MEGF8: variants seen among roughly 807,000 people sequenced by gnomAD.
MEGF8 encodes multiple EGF like domains 8.
Under a neutral mutation model 302.9 loss-of-function variants are expected in MEGF8, and 156 were observed. That is an observed-to-expected ratio of 0.52 (90% CI 0.45 to 0.59). The LOEUF (loss-of-function observed/expected upper bound fraction) is 0.59, where lower values mean the gene tolerates loss of function less well. Among genes scored for constraint, MEGF8 ranks in the 20% least tolerant of loss-of-function variants. The pLI, the probability that MEGF8 is intolerant of heterozygous loss-of-function variation, is 0.00. For synonymous variants in MEGF8, 1,621 were observed against 1,660.5 expected, an observed-to-expected ratio of 0.98 and a Z score of 0.58; for missense variants, 3,345 against 3,964.5, an observed-to-expected ratio of 0.84 and a Z score of 4.20.
Position 42,376,404 on chromosome 19 carries a change from CCCGCCTT to C in MEGF8, c.8173_8179del (p.Phe2725AlafsTer11), listed in dbSNP as rs1405804778. On this transcript the variant is annotated frameshift_variant, in exon 42 of 42. Transcript: ENST00000251268. LOFTEE classifies it high-confidence loss of function. The surrounding 1 kb of genome is among the most constrained non-coding windows in gnomAD (Gnocchi z 8.2). The stretch of plus-strand genomic sequence containing the variant: ...CTGGAAGCCGGCTGGGCTCCCACCT[CCCGCCTT>C]CCGCCGCTCTGAGCCCTTCCTGGCA... 1.2e-6 allele frequency: 2 copies of C among 1,612,682 alleles called. No individual in the cohort carries two copies. Among genetic ancestry groups the C allele is most frequent in the African/African-American group, 1.3e-5 (1 of 74,932 alleles).
At chr19:42,340,667 A>C (rs1439873577) in intron 8 of MEGF8, among the ~76,000 whole-genome samples, 1 of 150,456 alleles carries the variant, frequency 6.6e-6, no homozygotes, top group Non-Finnish European at 1.5e-5. Flanking sequence ...TGTTGTTACT[A>C]TTTTGTTTTA....
chr19:42,365,163 C>A (rs1379787656), intron 35 of MEGF8, among the ~76,000 whole-genome samples: 2 of 152,158 alleles, frequency 1.3e-5, no homozygotes, highest in Non-Finnish European at 2.9e-5. Flanking sequence ...TATGGGTTCT[C>A]CCCAGATATT....
chr19:42,352,485 T>A lies in MEGF8; in HGVS notation c.3350+29T>A. On this transcript the variant is annotated intron_variant, in intron 19 of 41. Coordinates refer to ENST00000251268, the MANE Select transcript of MEGF8 (RefSeq NM_001271938.2). The surrounding 1 kb of genome is among the most constrained non-coding windows in gnomAD (Gnocchi z 4.4). ...AGTGAGGCGGGGGTTGCTATGGAGATGTTGCCCCAGGCTGGGGCACATGGA... is the reference window on the plus strand; with the variant it reads ...AGTGAGGCGGGGGTTGCTATGGAGAAGTTGCCCCAGGCTGGGGCACATGGA... 6.4e-7 allele frequency: 1 copy of A among 1,554,806 alleles called. No individual in the cohort carries two copies. The highest frequency in any genetic ancestry group is 8.7e-7 in the Non-Finnish European group (1 of 1,143,832).
In MEGF8 at chr19:42,351,365, G is replaced by T; in HGVS notation, c.2855+31G>T. ...TCAGGCTGGGTGCAGGGAGTGGGTG[G>T]GTGGATGTGCCTGGGGATGTGTGCT... On this transcript the variant is annotated intron_variant, in intron 16 of 41. Coordinates refer to ENST00000251268, the MANE Select transcript of MEGF8 (RefSeq NM_001271938.2). The surrounding 1 kb of genome is among the most constrained non-coding windows in gnomAD (Gnocchi z 5.6). 6.4e-7 allele frequency: 1 copy of T among 1,568,602 alleles called. No homozygotes were observed.
chr19:42,356,640 T>C lies in MEGF8; in HGVS notation c.4623-134T>C. 2.0e-6 allele frequency: 2 copies of C among 1,020,640 alleles called. No individual in the cohort carries two copies. The highest frequency in any genetic ancestry group is 2.8e-6 in the Non-Finnish European group (2 of 712,410). 63.2% of individuals were successfully genotyped at this position (1,020,640 alleles called of 1,614,324 possible). A position where few individuals can be genotyped will look rare whatever the true frequency, so the allele number is the denominator to read the frequency against. On this transcript the variant is annotated intron_variant, in intron 26 of 41. Transcript: ENST00000251268. This position sits in a 1 kb window ranked among gnomAD's most constrained non-coding sequence, Gnocchi z 5.2. ...ACCAGGGTACTTATTTGGGTGGTGC[T>C]ACTCCAGGGAATGGCAAGAGGACTG...
chr19:42,337,217 C>G lies in MEGF8; in HGVS notation c.1513+11C>G, dbSNP rs1217474442. 1.9e-6 allele frequency: 3 copies of G among 1,613,124 alleles called. No individual in the cohort carries two copies. Among genetic ancestry groups the G allele is most frequent in the Non-Finnish European group, 2.5e-6 (3 of 1,179,852 alleles). ...CAGGAACCCCTGAGGGTGAGTGGTC[C>G]CTGTTCTTCCCTAGGGGCTCCTGAG... is the stretch of plus-strand genomic sequence containing the variant. On this transcript the variant is annotated intron_variant, in intron 8 of 41. Transcript: ENST00000251268.
rs1193790963 is a variant in MEGF8, at chr19:42,351,804, C to T, written c.3101+43C>T. On this transcript the variant is annotated intron_variant, in intron 18 of 41. Transcript: ENST00000251268. The surrounding 1 kb of genome is among the most constrained non-coding windows in gnomAD (Gnocchi z 5.6). ...GGTGGGCAGGGTGCCCGGCTGTGTC[C>T]TTCCTCCATGACCGGTCATTCTAAT... 1 of 1,493,286 alleles carries T rather than the reference C, an allele frequency of 6.7e-7. No individual in the cohort carries two copies. The highest frequency in any genetic ancestry group is 9.1e-7 in the Non-Finnish European group (1 of 1,095,044). 92.5% of individuals were successfully genotyped at this position (1,493,286 alleles called of 1,614,324 possible).
Position 42,369,556 on chromosome 19 carries a change from T to C in MEGF8, c.6667T>C (p.Cys2223Arg). The C allele has an allele frequency of 6.2e-7, 1 of 1,610,456 alleles. No individual in the cohort carries two copies. Among genetic ancestry groups the C allele is most frequent in the Non-Finnish European group, 8.5e-7 (1 of 1,179,622 alleles). ...CATGACAGGGCTGTGCCGCCCTGTG[T>C]GCGCCCAGGGCTGCGTGAACGGCTC... ...DNMTGLCRPVCAQGCVNGSCV... is the reference protein window; with the variant it reads ...DNMTGLCRPVRAQGCVNGSCV... The change falls in exon 38 of 42, where the codon TGC becomes CGC. Residue 2223 changes from cysteine (C) to arginine (R), a missense_variant. Coordinates refer to ENST00000251268, the MANE Select transcript of MEGF8 (RefSeq NM_001271938.2). This position sits in a 1 kb window ranked among gnomAD's most constrained non-coding sequence, Gnocchi z 5.7.
chr19:42,354,745 CCT>C lies in MEGF8; in HGVS notation c.4144+28_4144+29del, dbSNP rs2039427251. On this transcript the variant is annotated intron_variant, in intron 23 of 41. Transcript: ENST00000251268. This position sits in a 1 kb window ranked among gnomAD's most constrained non-coding sequence, Gnocchi z 4.3. ...GGTACGGGGGCTAGGGGAAGTGGGACCTCTTAGTCCTGGGCTATGTATCCCTT... is the reference window on the plus strand; with the variant it reads ...GGTACGGGGGCTAGGGGAAGTGGGACCTTAGTCCTGGGCTATGTATCCCTT... The C allele has an allele frequency of 1.3e-6, 2 of 1,583,064 alleles. No homozygotes were observed. Among genetic ancestry groups the C allele is most frequent in the Non-Finnish European group, 8.6e-7 (1 of 1,166,104 alleles).
In MEGF8 at chr19:42,354,637, G is replaced by T; in HGVS notation, c.4061G>T (p.Gly1354Val). ...FDGFPRFLDT[G>V]VVQSDRSLIA... Reference sequence around the variant, plus strand: ...GGATTCCCACGCTTCCTGGACACTGGTGTTGTCCAGTCGGACCGCAGCCTC... The same window carrying T: ...GGATTCCCACGCTTCCTGGACACTGTTGTTGTCCAGTCGGACCGCAGCCTC... Residue 1354 changes from glycine (G) to valine (V), a missense_variant, in exon 23 of 42, where the codon GGT becomes GTT. Physicochemically the swap from Gly to Val is moderately radical, Grantham distance 109. Coordinates refer to ENST00000251268, the MANE Select transcript of MEGF8 (RefSeq NM_001271938.2). The surrounding 1 kb of genome is among the most constrained non-coding windows in gnomAD (Gnocchi z 4.3). 3.1e-6 allele frequency: 5 copies of T among 1,612,896 alleles called. No homozygotes were observed. Among genetic ancestry groups the T allele is most frequent in the Non-Finnish European group, 4.2e-6 (5 of 1,179,764 alleles).
intron 3 of MEGF8, 53 bp downstream of exon 3, chr19:42,334,266 C>T (rs1162016694): frequency 1.4e-6 from 2 of 1,471,684 alleles, no homozygotes; most frequent in Non-Finnish European, 1.8e-6. Context: ...GTGAGCGCAG[C>T]CTCCACGCCC....
In MEGF8 at chr19:42,351,544, C is replaced by G; in HGVS notation, c.2971C>G (p.Arg991Gly). ...GGCCCGGTACCCACACGGGGGCTGTCGAGGCTGGGACGACAGGTATGGTCC... is the reference window on the plus strand; with the variant it reads ...GGCCCGGTACCCACACGGGGGCTGTGGAGGCTGGGACGACAGGTATGGTCC... ...YLARYPHGGC[R>G]GWDDSVHSEP... is the part of the protein sequence containing the mutation. Residue 991 changes from arginine to glycine, a missense_variant, in exon 17 of 42, where the codon CGA becomes GGA. Physicochemically the swap from Arg to Gly is moderately radical, Grantham distance 125. Coordinates refer to ENST00000251268, the MANE Select transcript of MEGF8 (RefSeq NM_001271938.2). The surrounding 1 kb of genome is among the most constrained non-coding windows in gnomAD (Gnocchi z 5.6). 1.2e-6 allele frequency: 2 copies of G among 1,609,354 alleles called. No individual in the cohort carries two copies. Among genetic ancestry groups the G allele is most frequent in the Non-Finnish European group, 8.5e-7 (1 of 1,178,192 alleles).
At chr19:42,331,398 C>T (rs886786369) in intron 1 of MEGF8, among the ~76,000 whole-genome samples, 7 of 152,082 alleles carry the variant, frequency 4.6e-5, no homozygotes, top group African/African-American at 1.4e-4. Context: ...AGAGCCTAGG[C>T]CTCCTAATTT....
intron 3 of MEGF8, among the ~76,000 whole-genome samples, chr19:42,334,592 C>T (rs2039099832): frequency 6.6e-6 from 1 of 152,182 alleles, no homozygotes; most frequent in African/African-American, 2.4e-5. Flanking sequence ...CTGTGTACAT[C>T]CAGCTTTCAA....
rs142593472 is a variant in MEGF8, at chr19:42,326,751, T to C, written c.187+321T>C. The stretch of plus-strand genomic sequence containing the variant: ...TCTACTACTACTACTTTTTTTTTTT[T>C]TTTTTTTTGAGATGGGGGCCTCACT... On this transcript the variant is annotated intron_variant, in intron 1 of 41. Coordinates refer to ENST00000251268, the MANE Select transcript of MEGF8 (RefSeq NM_001271938.2). 7.8e-3 allele frequency among the ~76,000 whole-genome samples: 1,172 copies of C among 151,136 alleles called. 37 individuals are homozygous for C. The East Asian group carries it at 0.087, about 11-fold the overall frequency.
In MEGF8 at chr19:42,335,029, C is replaced by G; in HGVS notation, c.559-6C>G. 2 of 1,601,522 alleles carry G rather than the reference C, an allele frequency of 1.2e-6. No homozygotes were observed. The highest frequency in any genetic ancestry group is 1.7e-6 in the Non-Finnish European group (2 of 1,174,156). ...TATCTCTGCCTTTATGTCTCCTTTCCCGCAGCCCCTGGGACCATGCCGCTG... is the reference window on the plus strand; with the variant it reads ...TATCTCTGCCTTTATGTCTCCTTTCGCGCAGCCCCTGGGACCATGCCGCTG... On this transcript the variant is annotated splice_region_variant and splice_polypyrimidine_tract_variant and intron_variant, in intron 3 of 41. Coordinates refer to ENST00000251268, the MANE Select transcript of MEGF8 (RefSeq NM_001271938.2).
In MEGF8 at chr19:42,352,892, C is replaced by T. The variant is rs767566454; in HGVS notation, c.3351-36C>T. On this transcript the variant is annotated intron_variant, in intron 19 of 41. Transcript: ENST00000251268. The surrounding 1 kb of genome is among the most constrained non-coding windows in gnomAD (Gnocchi z 4.4). ...GGGTGCTTTAGGGGCTCTGGGCCTG[C>T]CTGGCGCTTTCCCCACCCCCAACAC... 7.4e-6 allele frequency: 11 copies of T among 1,487,640 alleles called. No homozygotes were observed. The highest frequency in any genetic ancestry group is 1.0e-5 in the Non-Finnish European group (11 of 1,088,706). 92.2% of individuals were successfully genotyped at this position (1,487,640 alleles called of 1,614,324 possible).
At position 42,353,988 on chromosome 19, in the gene MEGF8, C is replaced by T. The variant is rs532034819; in HGVS notation, c.3975C>T (p.Thr1325=). Residue 1325 remains threonine, a synonymous_variant, in exon 22 of 42, where the codon ACC becomes ACT. Coordinates refer to ENST00000251268, the MANE Select transcript of MEGF8 (RefSeq NM_001271938.2). This position sits in a 1 kb window ranked among gnomAD's most constrained non-coding sequence, Gnocchi z 6.1. The part of the protein sequence containing the change: ...CAPGTLCPPL[T]LTFSPDSSTP... ...CCGGGACCCTCTGTCCCCCACTCAC[C>T]CTCACCTTCTCCCCCGACAGCAGCA... 2.8e-5 allele frequency: 45 copies of T among 1,584,342 alleles called. 1 individual carries two copies. In the South Asian group the frequency reaches 4.3e-4, roughly 15 times the overall value.
At position 42,369,532 on chromosome 19, in the gene MEGF8, A is replaced by G. The variant is rs762237400; in HGVS notation, c.6643A>G (p.Met2215Val). 6.2e-6 allele frequency: 10 copies of G among 1,603,140 alleles called. No individual in the cohort carries two copies. The highest frequency in any genetic ancestry group is 1.3e-5 in the African/African-American group (1 of 74,790). The change falls in exon 38 of 42, where the codon ATG becomes GTG. Residue 2215 changes from methionine (M) to valine (V), a missense_variant and splice_region_variant. Met to Val is a conservative substitution (Grantham distance 21). Coordinates refer to ENST00000251268, the MANE Select transcript of MEGF8 (RefSeq NM_001271938.2). The surrounding 1 kb of genome is among the most constrained non-coding windows in gnomAD (Gnocchi z 5.7). Reference protein sequence around the residue: ...SCKTGYTMDNMTGLCRPVCAQ... With the variant: ...SCKTGYTMDNVTGLCRPVCAQ... Reference sequence around the variant, plus strand: ...CTGACCCCCACTTTGCCCCTGCAGCATGACAGGGCTGTGCCGCCCTGTGTG... The same window carrying G: ...CTGACCCCCACTTTGCCCCTGCAGCGTGACAGGGCTGTGCCGCCCTGTGTG...
Sources: allele counts gnomAD v4.1 joint callset (sites outside exome capture counted in the v4.1 genomes callset), GRCh38; gene constraint gnomAD v4.1.1; non-coding constraint Gnocchi (gnomAD v3.1); transcripts MANE v1.5; gene names NCBI Gene and HGNC (gene_info 2026-07-23, HGNC 2026-07-21).